The following FBN2 variants were observed in gnomAD, a reference collection of about 807,000 sequenced individuals.
FBN2 encodes fibrillin 2, also known as fibrillin-2.
A neutral mutation model predicts 355.6 loss-of-function variants in FBN2; 105 were observed. The ratio of observed to expected loss-of-function variants is 0.30; its 90% CI spans 0.25 to 0.35. FBN2 has a LOEUF of 0.35. Among genes scored for constraint, FBN2 ranks in the 10% least tolerant of loss-of-function variants. The pLI is 1.00. For synonymous variants in FBN2, 1,350 were observed against 1,301.2 expected, an observed-to-expected ratio of 1.04 and a Z score of -0.81; for missense variants, 3,280 against 3,758.7, an observed-to-expected ratio of 0.87 and a Z score of 3.33.
Position 128,280,149 on chromosome 5 carries a change from A to C in FBN2, c.7138+43T>G, listed in dbSNP as rs767484688. On this transcript the variant is annotated intron_variant, in intron 56 of 64. Transcript: ENST00000262464. ...TCTTCTGTGATGACATCATGAACAGATGTTTTATCTACCAAGTATAATATA... is the reference window on the plus strand; with the variant it reads ...TCTTCTGTGATGACATCATGAACAGCTGTTTTATCTACCAAGTATAATATA... 4 of 1,554,808 alleles carry C rather than the reference A, an allele frequency of 2.6e-6. No individual in the cohort carries two copies. In the African/African-American group the frequency reaches 4.1e-5, roughly 16 times the overall value.
chr5:128,428,124 CA>C (rs1023677691), intron 7 of FBN2, among the ~76,000 whole-genome samples: 1 of 152,118 alleles, frequency 6.6e-6, no homozygotes. Flanking sequence ...ACTTTTACCA[CA>C]AAAACCCCTG....
chr5:128,452,282 AAACTTACT>A (rs1303967694), intron 6 of FBN2, among the ~76,000 whole-genome samples: 1 of 152,202 alleles, frequency 6.6e-6, no homozygotes, highest in Non-Finnish European at 1.5e-5. Context: ...ATTCAGGCAA[AAACTTACT>A]ATTTCTTTAA....
intron 5 of FBN2, among the ~76,000 whole-genome samples, chr5:128,485,090 C>G (rs1481906260): frequency 6.6e-6 from 1 of 151,644 alleles, no homozygotes; most frequent in Non-Finnish European, 1.5e-5. Flanking sequence ...ATGCAACGAA[C>G]AGGGATCACT....
At chr5:128,498,962 T>C (rs1324718399) in intron 5 of FBN2, among the ~76,000 whole-genome samples, 7 of 152,334 alleles carry the variant, frequency 4.6e-5, no homozygotes, top group Non-Finnish European at 7.4e-5. Context: ...CTACATATTA[T>C]TTTTAAAGTT....
chr5:128,431,221 C>T (rs1441370231), intron 7 of FBN2, among the ~76,000 whole-genome samples: 1 of 152,194 alleles, frequency 6.6e-6, no homozygotes, highest in Non-Finnish European at 1.5e-5. Flanking sequence ...CATTCCTTTC[C>T]CTTTGGAACT....
chr5:128,502,730 A>G (rs1175685809), intron 5 of FBN2, among the ~76,000 whole-genome samples: 1 of 152,216 alleles, frequency 6.6e-6, no homozygotes, highest in Non-Finnish European at 1.5e-5. Flanking sequence ...AACAAATGAG[A>G]TTAGGAAGTG....
In FBN2 at chr5:128,259,602, C is replaced by A; in HGVS notation, c.8592G>T (p.Met2864Ile). 1.2e-6 allele frequency: 2 copies of A among 1,614,078 alleles called. No individual in the cohort carries two copies. The highest frequency in any genetic ancestry group is 1.1e-5 in the South Asian group (1 of 91,084). ...TGATTTCCAGTGTGTATGTGCCGGG[C>A]ATGAGCTTCTTCTTGGCCGTGTGCA... ...SYLHTAKKKLMPGTYTLEITS... is the reference protein window; with the variant it reads ...SYLHTAKKKLIPGTYTLEITS... Residue 2864 changes from methionine (M) to isoleucine (I), a missense_variant, in exon 65 of 65, where the codon ATG becomes ATT. Met to Ile is a conservative substitution (Grantham distance 10). Transcript: ENST00000262464.
chr5:128,345,275 T>C, intron 24 of FBN2, 82 bp downstream of exon 24: 1 of 1,189,294 alleles, frequency 8.4e-7, no homozygotes, highest in Non-Finnish European at 1.3e-6. Context: ...AGTCAAACAT[T>C]TAAAGCAAAA....
At chr5:128,496,071 C>A (rs547989303) in intron 5 of FBN2, among the ~76,000 whole-genome samples, 28 of 152,182 alleles carry the variant, frequency 1.8e-4, no homozygotes, top group African/African-American at 6.0e-4. Context: ...AAGAAAGGCC[C>A]AGGCCCAGAT....
Position 128,305,058 on chromosome 5 carries a change from G to C in FBN2, c.5699C>G (p.Pro1900Arg). The C allele has an allele frequency of 6.2e-7, 1 of 1,612,666 alleles. No individual in the cohort carries two copies. Among genetic ancestry groups the C allele is most frequent in the Admixed American group, 1.7e-5 (1 of 59,896 alleles). ...CVDRNECLEI[P>R]NVCSHGLCVD... The stretch of plus-strand genomic sequence containing the variant: ...ACACAAGCCATGACTGCAAACGTTA[G>C]GAATTTCTAAACATTCATTGCGATC... The change falls in exon 45 of 65, where the codon CCT becomes CGT. Residue 1900 changes from proline (P) to arginine (R), a missense_variant. Coordinates refer to ENST00000262464, the MANE Select transcript of FBN2 (RefSeq NM_001999.4).
chr5:128,527,356 C>A (rs1193788280), intron 4 of FBN2, among the ~76,000 whole-genome samples: 1 of 152,042 alleles, frequency 6.6e-6, no homozygotes, highest in African/African-American at 2.4e-5. Context: ...ATAACATCTG[C>A]TTTTTAAAAA....
chr5:128,511,504 G>T (rs1182012484), intron 5 of FBN2, among the ~76,000 whole-genome samples: 1 of 151,978 alleles, frequency 6.6e-6, no homozygotes. Flanking sequence ...TCTTCTACTT[G>T]GAATCCCCCA....
chr5:128,286,054 A>G (rs2126816030), intron 55 of FBN2, among the ~76,000 whole-genome samples: 1 of 152,312 alleles, frequency 6.6e-6, no homozygotes, highest in South Asian at 2.1e-4. Context: ...GATTTGGAGG[A>G]ACACATATGA....
chr5:128,324,619 CTTT>C (rs1166002656), intron 34 of FBN2, among the ~76,000 whole-genome samples: 8 of 137,686 alleles, frequency 5.8e-5, no homozygotes, highest in Non-Finnish European at 6.3e-5. Context: ...TTTTCTTTTT[CTTT>C]TTTTTTTTTT....
At chr5:128,497,457 A>G (rs1450441445) in intron 5 of FBN2, among the ~76,000 whole-genome samples, 1 of 152,226 alleles carries the variant, frequency 6.6e-6, no homozygotes, top group Non-Finnish European at 1.5e-5. Flanking sequence ...AAACTTGTAC[A>G]AAGTGGTTAA....
At chr5:128,456,309 C>A (rs542156732) in intron 6 of FBN2, among the ~76,000 whole-genome samples, 1 of 152,260 alleles carries the variant, frequency 6.6e-6, no homozygotes, top group Non-Finnish European at 1.5e-5. Context: ...TGGGCCTGAG[C>A]CCCTAGGGGG....
intron 7 of FBN2, among the ~76,000 whole-genome samples, chr5:128,434,527 G>A (rs1753726365): frequency 6.7e-6 from 1 of 150,350 alleles, no homozygotes; most frequent in Non-Finnish European, 1.5e-5. Flanking sequence ...GATTTCTTTA[G>A]AGTAGACTAA....
intron 5 of FBN2, among the ~76,000 whole-genome samples, chr5:128,495,434 T>A (rs1398102741): frequency 6.6e-6 from 1 of 152,100 alleles, no homozygotes; most frequent in Admixed American, 6.6e-5. Context: ...TGAAACACTA[T>A]TAATTTATAC....
intron 4 of FBN2, among the ~76,000 whole-genome samples, chr5:128,520,223 T>G (rs906732142): frequency 4.6e-5 from 7 of 152,172 alleles, no homozygotes; most frequent in Non-Finnish European, 1.0e-4. Flanking sequence ...CCCACTGAAC[T>G]GCCGTGCACT....
Sources: allele counts gnomAD v4.1 joint callset (sites outside exome capture counted in the v4.1 genomes callset), GRCh38; gene constraint gnomAD v4.1.1; transcripts MANE v1.5; gene names NCBI Gene and HGNC (gene_info 2026-07-23, HGNC 2026-07-21).